Variants in ARFGAP3 observed in about 807,000 individuals in gnomAD.
ARFGAP3 encodes the protein ARF GTPase activating protein 3, also known as ADP-ribosylation factor GTPase-activating protein 3.
A neutral mutation model predicts 75.0 loss-of-function variants in ARFGAP3; 72 were observed. That is an observed-to-expected ratio of 0.96 (90% CI 0.79 to 1.17). The LOEUF (loss-of-function observed/expected upper bound fraction) is 1.17, where lower values mean the gene tolerates loss of function less well. ARFGAP3 is among the 50% of genes most tolerant of loss of function. The pLI is 0.00. For synonymous variants in ARFGAP3, 221 were observed against 217.9 expected (o/e 1.01, Z -0.13); for missense variants, 620 against 626.6 (o/e 0.99, Z 0.11).
At chr22:42,805,423 G>T (rs1238277611) in intron 14 of ARFGAP3, among the ~76,000 whole-genome samples, 1 of 152,196 alleles carries the variant, frequency 6.6e-6, no homozygotes, top group Admixed American at 6.5e-5. Flanking sequence ...TCTCTGGACC[G>T]GCTGCTGGCT....
In ARFGAP3 at chr22:42,842,038, G is replaced by A. The variant is rs551878786; in HGVS notation, c.189-1022C>T. Among the ~76,000 whole-genome samples the A allele has an allele frequency of 1.2e-4, 16 of 135,776 alleles. 1 individual carries two copies. In the South Asian group the frequency reaches 2.6e-3, roughly 22 times the overall value. The allele number at this position is 135,776 out of a possible 152,430, so 89.1% of individuals were successfully genotyped here. A position where few individuals can be genotyped will look rare whatever the true frequency, so the allele number is the denominator to read the frequency against. On this transcript the variant is annotated intron_variant, in intron 2 of 15. Coordinates refer to ENST00000263245, the MANE Select transcript of ARFGAP3 (RefSeq NM_014570.5). ...TTTTTTTTTTTTTTTTTTTTGAGAC[G>A]GAGTTGCCCCGGCTGGAGTGCAATG...
chr22:42,827,908 G>A (rs984270275), intron 6 of ARFGAP3, among the ~76,000 whole-genome samples: 1 of 152,112 alleles, frequency 6.6e-6, no homozygotes, highest in African/African-American at 2.4e-5. Flanking sequence ...GCCTCCCAAA[G>A]TGTTGGTATT....
At position 42,847,626 on chromosome 22, in the gene ARFGAP3, A is replaced by C; in HGVS notation, c.76T>G (p.Phe26Val). ...LRSVPTNKVCFDCGAKNPSWA... is the reference protein window; with the variant it reads ...LRSVPTNKVCVDCGAKNPSWA... ...CTGGGATTTTTGGCACCACAATCAAAACACACCTGAAAAAAAATGTTAAAT... is the reference window on the plus strand; with the variant it reads ...CTGGGATTTTTGGCACCACAATCAACACACACCTGAAAAAAAATGTTAAAT... Residue 26 changes from phenylalanine (F) to valine (V), a missense_variant, in exon 2 of 16, where the codon TTT becomes GTT. By Grantham distance (50) the Phe-to-Val change is conservative (BLOSUM62 -1). Transcript: ENST00000263245. 1 of 1,611,042 alleles carries C rather than the reference A, an allele frequency of 6.2e-7. No individual in the cohort carries two copies. Among genetic ancestry groups the C allele is most frequent in the Non-Finnish European group, 8.5e-7 (1 of 1,178,784 alleles).
chr22:42,819,575 T>C (rs999295436), intron 9 of ARFGAP3, among the ~76,000 whole-genome samples: 3 of 152,120 alleles, frequency 2.0e-5, no homozygotes. Flanking sequence ...AGGACACAGA[T>C]CAAACAAGCG....
intron 15 of ARFGAP3, 28 bp downstream of exon 15, chr22:42,799,011 C>T (rs1924729425): frequency 6.3e-7 from 1 of 1,593,406 alleles, no homozygotes; most frequent in Non-Finnish European, 8.6e-7. Flanking sequence ...ACCGTCATAG[C>T]CAGTGAGCAC....
intron 3 of ARFGAP3, among the ~76,000 whole-genome samples, chr22:42,836,075 T>C (rs1311061908): frequency 2.7e-5 from 4 of 148,536 alleles, no homozygotes; most frequent in African/African-American, 9.9e-5. Flanking sequence ...CTCCACCTCC[T>C]GGGCTCAAGT....
chr22:42,802,658 G>C (rs534178318), intron 14 of ARFGAP3, among the ~76,000 whole-genome samples: 1 of 143,170 alleles, frequency 7.0e-6, no homozygotes, highest in Non-Finnish European at 1.5e-5. Flanking sequence ...CTGGAGTGCA[G>C]TGGTGCGATC....
intron 15 of ARFGAP3, among the ~76,000 whole-genome samples, chr22:42,798,790 T>C (rs1924720492): frequency 6.6e-6 from 1 of 152,180 alleles, no homozygotes; most frequent in Non-Finnish European, 1.5e-5. Flanking sequence ...TCTGTTCCAA[T>C]CTAGGAAAAA....
intron 4 of ARFGAP3, among the ~76,000 whole-genome samples, chr22:42,834,764 A>G (rs1311460080): frequency 6.6e-6 from 1 of 152,242 alleles, no homozygotes; most frequent in Non-Finnish European, 1.5e-5. Flanking sequence ...TTCTCAGCTG[A>G]GGTAGAACAA....
chr22:42,852,013 A>G (rs1037207370), intron 1 of ARFGAP3, among the ~76,000 whole-genome samples: 3 of 151,652 alleles, frequency 2.0e-5, no homozygotes, highest in Non-Finnish European at 4.4e-5. Context: ...AGGGCCCCAC[A>G]CTTAGAATAA....
chr22:42,797,885 G>A (rs527871450), intron 15 of ARFGAP3, among the ~76,000 whole-genome samples: 6 of 152,346 alleles, frequency 3.9e-5, no homozygotes, highest in Admixed American at 2.0e-4. Context: ...AAGTGGGCGG[G>A]AGGATGCTCA....
At position 42,857,238 on chromosome 22, in the gene ARFGAP3, A is replaced by C; in HGVS notation, c.-56T>G. On this transcript the variant is annotated 5_prime_UTR_variant, in exon 1 of 16. Coordinates refer to ENST00000263245, the MANE Select transcript of ARFGAP3 (RefSeq NM_014570.5). ...CAGCCAACCGGTAAGAGTCGACGAA[A>C]AGCGGCTACCGCCTCAGCAGGAGCG... 6.7e-7 allele frequency: 1 copy of C among 1,488,596 alleles called. No individual in the cohort carries two copies. The highest frequency in any genetic ancestry group is 1.3e-5 in the South Asian group (1 of 79,116). 92.2% of individuals were successfully genotyped at this position (1,488,596 alleles called of 1,614,324 possible).
At chr22:42,835,550 A>C (rs967073280) in intron 3 of ARFGAP3, 57 bp from the exon 4 acceptor site, 3 of 1,592,268 alleles carry the variant, frequency 1.9e-6, no homozygotes, top group South Asian at 2.2e-5. Flanking sequence ...GGCCAGGCGC[A>C]GTGGCTCATG....
At chr22:42,847,067 C>A (rs1569172313) in intron 2 of ARFGAP3, among the ~76,000 whole-genome samples, 1 of 152,150 alleles carries the variant, frequency 6.6e-6, no homozygotes, top group South Asian at 2.1e-4. Context: ...AAGCCGCTTA[C>A]ATGATAACCC....
At position 42,817,932 on chromosome 22, in the gene ARFGAP3, A is replaced by T. The variant is rs1925652281; in HGVS notation, c.813-75T>A. ...TATATTAAAATAGCAAGCAAAATTA[A>T]ACATGTAATTTATACTTTTAGCTTC... On this transcript the variant is annotated intron_variant, in intron 9 of 15. Coordinates refer to ENST00000263245, the MANE Select transcript of ARFGAP3 (RefSeq NM_014570.5). 5 of 1,342,980 alleles carry T rather than the reference A, an allele frequency of 3.7e-6. No homozygotes were observed. The East Asian group carries it at 1.4e-4, about 39-fold the overall frequency. 83.2% of individuals were successfully genotyped at this position (1,342,980 alleles called of 1,614,324 possible). A position where few individuals can be genotyped will look rare whatever the true frequency, so the allele number is the denominator to read the frequency against.
chr22:42,827,107 C>A, intron 6 of ARFGAP3, 108 bp from the exon 7 acceptor site: 1 of 1,448,152 alleles, frequency 6.9e-7, no homozygotes, highest in Admixed American at 2.6e-5. Flanking sequence ...CCAATTTTGT[C>A]AATGATCACC....
intron 1 of ARFGAP3, among the ~76,000 whole-genome samples, chr22:42,856,482 G>A (rs1012157176): frequency 1.3e-5 from 2 of 151,974 alleles, no homozygotes; most frequent in East Asian, 3.9e-4. Context: ...GTTCCAGGGA[G>A]AGAACAGCCT....
intron 15 of ARFGAP3, among the ~76,000 whole-genome samples, chr22:42,798,725 G>C (rs899454662): frequency 6.6e-6 from 1 of 152,064 alleles, no homozygotes; most frequent in African/African-American, 2.4e-5. Flanking sequence ...TATTAACAGA[G>C]GTTATCCCTG....
rs964908112 is a variant in ARFGAP3 at position 42,843,772 on chromosome 22, G to A, written c.189-2756C>T. Among the ~76,000 whole-genome samples the A allele has an allele frequency of 6.6e-5, 10 of 152,176 alleles. No homozygotes were observed. In the South Asian group the frequency reaches 1.2e-3, roughly 19 times the overall value. On this transcript the variant is annotated intron_variant, in intron 2 of 15. Transcript: ENST00000263245. ...TTAATAAGCTCATGAAATACGTAAC[G>A]GCAAACTTGAGAAAAAACAGAGCTA...
Sources: allele counts gnomAD v4.1 joint callset (sites outside exome capture counted in the v4.1 genomes callset), GRCh38; gene constraint gnomAD v4.1.1; transcripts MANE v1.5; gene names NCBI Gene and HGNC (gene_info 2026-07-23, HGNC 2026-07-21).